Variants in GLRB observed in about 807,000 individuals in gnomAD.
GLRB encodes glycine receptor subunit beta.
Under a neutral mutation model 54.2 loss-of-function variants are expected in GLRB, and 33 were observed. The observed-to-expected ratio is 0.61, with a 90% CI of 0.46 to 0.81. The LOEUF is 0.81. Among genes scored for constraint, GLRB ranks in the 40% least tolerant of loss-of-function variants. GLRB has a pLI of 0.00. For synonymous variants in GLRB, 209 were observed against 208.2 expected (o/e 1.00, Z -0.03); for missense variants, 572 against 584.6 (o/e 0.98, Z 0.22).
rs528841577 is a variant in GLRB at position 157,076,818 on chromosome 4, C to T, written c.-30+521C>T. On this transcript the variant is annotated intron_variant, in intron 1 of 9. Transcript: ENST00000264428. ...GCCGCTGTCGGATGGGGGAAGGGAG[C>T]GTCCAATGTTGTGAAGTTGCCAGAG... Among the ~76,000 whole-genome samples the T allele has an allele frequency of 3.2e-4, 48 of 151,750 alleles. No individual in the cohort carries two copies. In the South Asian group the frequency reaches 9.0e-3, roughly 28 times the overall value.
intron 2 of GLRB, among the ~76,000 whole-genome samples, chr4:157,106,577 C>A (rs1393269841): frequency 6.6e-6 from 1 of 151,794 alleles, no homozygotes; most frequent in African/African-American, 2.4e-5. Context: ...TAGGTGAATT[C>A]TTTCTCTCTC....
At chr4:157,157,337 G>A (rs1462926175) in intron 9 of GLRB, among the ~76,000 whole-genome samples, 4 of 151,212 alleles carry the variant, frequency 2.6e-5, no homozygotes, top group African/African-American at 7.3e-5. Context: ...GGGCTGCCTC[G>A]TCACAGACTT....
intron 2 of GLRB, among the ~76,000 whole-genome samples, chr4:157,080,652 C>T (rs896271552): frequency 6.6e-6 from 1 of 152,118 alleles, no homozygotes; most frequent in African/African-American, 2.4e-5. Flanking sequence ...TTTGCTTAGC[C>T]TGTGTAAGTT....
intron 2 of GLRB, among the ~76,000 whole-genome samples, chr4:157,097,713 C>A (rs1037961194): frequency 1.3e-5 from 2 of 152,176 alleles, no homozygotes; most frequent in Non-Finnish European, 2.9e-5. Context: ...ACAAATAGAG[C>A]ATTTCTAGTA....
At chr4:157,104,783 T>C (rs1231794911) in intron 2 of GLRB, among the ~76,000 whole-genome samples, 2 of 151,992 alleles carry the variant, frequency 1.3e-5, no homozygotes, top group Non-Finnish European at 2.9e-5. Flanking sequence ...TCAGTCTTAG[T>C]GGATTGTATG....
intron 9 of GLRB, among the ~76,000 whole-genome samples, chr4:157,158,879 T>G (rs1406486961): frequency 1.4e-5 from 2 of 142,966 alleles, no homozygotes; most frequent in Admixed American, 1.3e-4. Context: ...AAAGTCATTG[T>G]TAGCTTGATG....
rs1224162218 is a variant in GLRB, at chr4:157,171,761, A to T, written c.*1033A>T. On this transcript the variant is annotated 3_prime_UTR_variant, in exon 10 of 10. Transcript: ENST00000264428. ...TTGGGATTAGTTACAAAATATTTAG[A>T]GATTAAATAAATAATAGCTTTGTTT... 2.6e-5 allele frequency: 4 copies of T among 152,042 alleles called. No homozygotes were observed. The highest frequency in any genetic ancestry group is 4.4e-5 in the Non-Finnish European group (3 of 67,800). 9.4% of individuals were successfully genotyped at this position (152,042 alleles called of 1,614,324 possible).
intron 2 of GLRB, among the ~76,000 whole-genome samples, chr4:157,097,441 A>G (rs1044044942): frequency 6.6e-6 from 1 of 152,188 alleles, no homozygotes; most frequent in Non-Finnish European, 1.5e-5. Flanking sequence ...CAGCCTAAGA[A>G]TTGAACTATT....
At chr4:157,101,005 A>T (rs186707122) in intron 2 of GLRB, among the ~76,000 whole-genome samples, 3 of 152,266 alleles carry the variant, frequency 2.0e-5, no homozygotes, top group Non-Finnish European at 2.9e-5. Flanking sequence ...CACTTACTAA[A>T]CATTTATTGA....
chr4:157,143,649 A>G (rs1553998260), intron 7 of GLRB, among the ~76,000 whole-genome samples, 158 bp from the exon 8 acceptor site: 1 of 152,222 alleles, frequency 6.6e-6, no homozygotes, highest in Non-Finnish European at 1.5e-5. Context: ...TTTAGATCAC[A>G]TAAATTATAT....
intron 4 of GLRB, among the ~76,000 whole-genome samples, chr4:157,130,363 T>C (rs1579223494): frequency 6.6e-6 from 1 of 151,744 alleles, no homozygotes; most frequent in Non-Finnish European, 1.5e-5. Context: ...TTTGGTTTAG[T>C]GAAATCACAT....
At chr4:157,090,478 G>A (rs1734571242) in intron 2 of GLRB, among the ~76,000 whole-genome samples, 1 of 152,160 alleles carries the variant, frequency 6.6e-6, no homozygotes, top group Non-Finnish European at 1.5e-5. Context: ...AAGACATTAT[G>A]ACTTCATGCA....
intron 2 of GLRB, among the ~76,000 whole-genome samples, chr4:157,087,133 TA>T (rs898689899): frequency 6.6e-6 from 1 of 152,176 alleles, no homozygotes; most frequent in Non-Finnish European, 1.5e-5. Context: ...CAAAGAAAAT[TA>T]AATGGATAGC....
chr4:157,161,043 T>A (rs541698923), intron 9 of GLRB, among the ~76,000 whole-genome samples: 3 of 152,350 alleles, frequency 2.0e-5, no homozygotes, highest in South Asian at 4.1e-4. Context: ...ATATTCAGGA[T>A]AGTTAGCTCT....
chr4:157,094,846 T>C (rs970846710), intron 2 of GLRB, among the ~76,000 whole-genome samples: 1 of 152,234 alleles, frequency 6.6e-6, no homozygotes, highest in African/African-American at 2.4e-5. Flanking sequence ...CCAGCCATTC[T>C]ATTTCTAGTG....
At chr4:157,132,447 T>C (rs1401448034) in intron 4 of GLRB, among the ~76,000 whole-genome samples, 3 of 151,856 alleles carry the variant, frequency 2.0e-5, no homozygotes, top group Non-Finnish European at 4.4e-5. Flanking sequence ...TGGTATCTTT[T>C]TGCCTCTGTC....
intron 2 of GLRB, among the ~76,000 whole-genome samples, chr4:157,089,247 G>GC (rs1256710672): frequency 6.6e-6 from 1 of 151,794 alleles, no homozygotes; most frequent in East Asian, 1.9e-4. Context: ...AAAAAAATTA[G>GC]CCAAGCATGG....
At chr4:157,157,378 A>C (rs1737273387) in intron 9 of GLRB, among the ~76,000 whole-genome samples, 1 of 152,124 alleles carries the variant, frequency 6.6e-6, no homozygotes, top group Non-Finnish European at 1.5e-5. Flanking sequence ...TCTAGGGTAC[A>C]TGTGCACAAT....
intron 7 of GLRB, among the ~76,000 whole-genome samples, chr4:157,141,317 A>AT (rs1328812883): frequency 6.6e-6 from 1 of 151,944 alleles, no homozygotes; most frequent in East Asian, 1.9e-4. Flanking sequence ...ATATAAGTAA[A>AT]ATATATTTTA....
Sources: allele counts gnomAD v4.1 joint callset (sites outside exome capture counted in the v4.1 genomes callset), GRCh38; gene constraint gnomAD v4.1.1; transcripts MANE v1.5; gene names NCBI Gene and HGNC (gene_info 2026-07-23, HGNC 2026-07-21).